Variants in CAB39 observed in about 807,000 individuals in gnomAD.
CAB39 encodes calcium binding protein 39.
Under a neutral mutation model 40.0 loss-of-function variants are expected in CAB39, and 8 were observed. That is an observed-to-expected ratio of 0.20 (90% CI 0.12 to 0.36). The LOEUF is 0.36. CAB39 is among the 10% of genes least tolerant of loss of function. The probability of loss-of-function intolerance (pLI) is 1.00; values close to 1 mark genes in which losing one functional copy is unlikely to be tolerated. For synonymous variants in CAB39, 156 were observed against 141.6 expected (o/e 1.10, Z -0.72); for missense variants, 270 against 401.1 (o/e 0.67, Z 2.79).
chr2:230,814,609 A>C (rs1024375064), intron 7 of CAB39, among the ~76,000 whole-genome samples: 28 of 152,222 alleles, frequency 1.8e-4, no homozygotes, highest in Admixed American at 1.2e-3. Flanking sequence ...GGCAAACTAC[A>C]ACCCATGGGC....
chr2:230,818,647 G>A lies in CAB39; in HGVS notation c.969G>A (p.Lys323=). 1.9e-6 allele frequency: 3 copies of A among 1,614,160 alleles called. No homozygotes were observed. Among genetic ancestry groups the A allele is most frequent in the South Asian group, 1.1e-5 (1 of 91,084 alleles). The change falls in exon 9 of 9, where the codon AAG becomes AAA. Residue 323 remains lysine (K), a synonymous_variant. Coordinates refer to ENST00000258418, the MANE Select transcript of CAB39 (RefSeq NM_016289.4). ...RTEDEQFNDE[K]TYLVKQIRDL... is the part of the protein sequence containing the mutation. ...AGGATGAGCAGTTTAACGACGAGAA[G>A]ACCTATTTAGTTAAACAGATCAGGG...
At chr2:230,731,096 A>G (rs1238579358) in intron 1 of CAB39, among the ~76,000 whole-genome samples, 1 of 152,246 alleles carries the variant, frequency 6.6e-6, no homozygotes, top group Non-Finnish European at 1.5e-5. Context: ...CTGATAAGAG[A>G]TGGTCTTAAT....
At chr2:230,752,029 A>AACC (rs1695094478) in intron 1 of CAB39, 1 of 30,744 alleles carries the variant, frequency 3.3e-5, no homozygotes, top group African/African-American at 1.0e-4. Context: ...TATTCTGACC[A>AACC]CCCCCCCCCC....
chr2:230,764,416 G>GT (rs1695346875), intron 2 of CAB39, among the ~76,000 whole-genome samples: 1 of 152,204 alleles, frequency 6.6e-6, no homozygotes, highest in Non-Finnish European at 1.5e-5. Flanking sequence ...TGGGTGTGTA[G>GT]TACATGCACT....
intron 1 of CAB39, among the ~76,000 whole-genome samples, chr2:230,719,808 G>T (rs1694414542): frequency 6.6e-6 from 1 of 152,154 alleles, no homozygotes; most frequent in African/African-American, 2.4e-5. Flanking sequence ...TCAGTGATTT[G>T]TATGTAGGCT....
intron 2 of CAB39, among the ~76,000 whole-genome samples, chr2:230,780,455 G>A (rs552926323): frequency 1.3e-5 from 2 of 152,222 alleles, no homozygotes; most frequent in South Asian, 4.1e-4. Flanking sequence ...AGGATCACAC[G>A]TTACATGTAA....
At chr2:230,719,528 T>C (rs957957774) in intron 1 of CAB39, among the ~76,000 whole-genome samples, 23 of 152,250 alleles carry the variant, frequency 1.5e-4, no homozygotes, top group African/African-American at 4.6e-4. Context: ...TTTCGTTGTA[T>C]AGTCATAATT....
chr2:230,810,758 C>G (rs896901587), intron 6 of CAB39, among the ~76,000 whole-genome samples: 8 of 152,336 alleles, frequency 5.3e-5, no homozygotes, highest in South Asian at 2.1e-4. Flanking sequence ...ACTGCTCACT[C>G]CTTTGTGGCC....
chr2:230,736,533 G>A (rs1056913220), intron 1 of CAB39, among the ~76,000 whole-genome samples: 3 of 152,152 alleles, frequency 2.0e-5, no homozygotes, highest in African/African-American at 4.8e-5. Context: ...TGAGTTTTGA[G>A]TAGCCAGAAC....
intron 3 of CAB39, among the ~76,000 whole-genome samples, chr2:230,791,263 A>G (rs1441142633): frequency 1.3e-5 from 2 of 152,160 alleles, no homozygotes; most frequent in African/African-American, 2.4e-5. Flanking sequence ...CACATTGGAC[A>G]TGGAGTTTCT....
intron 2 of CAB39, among the ~76,000 whole-genome samples, chr2:230,780,285 C>T (rs956279233): frequency 6.6e-6 from 1 of 152,214 alleles, no homozygotes; most frequent in African/African-American, 2.4e-5. Flanking sequence ...GAGTGCCTTT[C>T]ACCCAGCCTC....
intron 2 of CAB39, among the ~76,000 whole-genome samples, chr2:230,763,153 A>G (rs981348818): frequency 2.6e-5 from 4 of 152,228 alleles, no homozygotes; most frequent in Non-Finnish European, 4.4e-5. Context: ...ATATTGTCCA[A>G]AACAAAAAAT....
At chr2:230,716,718 C>G (rs1694356764) in intron 1 of CAB39, among the ~76,000 whole-genome samples, 1 of 152,316 alleles carries the variant, frequency 6.6e-6, no homozygotes, top group South Asian at 2.1e-4. Flanking sequence ...TTTAAAAGGT[C>G]AGGCCGAGCG....
intron 7 of CAB39, among the ~76,000 whole-genome samples, chr2:230,815,665 G>A (rs1696387228): frequency 6.6e-6 from 1 of 152,154 alleles, no homozygotes; most frequent in South Asian, 2.1e-4. Flanking sequence ...TGGGCTGTTT[G>A]GATAAGGAGA....
At chr2:230,727,387 T>TGTGA (rs1553666023) in intron 1 of CAB39, among the ~76,000 whole-genome samples, 1 of 149,300 alleles carries the variant, frequency 6.7e-6, no homozygotes, top group Non-Finnish European at 1.5e-5. Flanking sequence ...TGTGTGTGTG[T>TGTGA]GTGTGTGTGT....
intron 1 of CAB39, among the ~76,000 whole-genome samples, chr2:230,716,202 A>G (rs1694347144): frequency 6.6e-6 from 1 of 152,250 alleles, no homozygotes; most frequent in African/African-American, 2.4e-5. Flanking sequence ...AAGAACTGCT[A>G]AGAAAGTCCA....
At chr2:230,800,641 C>CAGGA (rs1696073981) in intron 5 of CAB39, among the ~76,000 whole-genome samples, 1 of 152,094 alleles carries the variant, frequency 6.6e-6, no homozygotes, top group Admixed American at 6.5e-5. Context: ...GAAGGACAGC[C>CAGGA]AGGAGCCTGA....
chr2:230,804,189 C>T (rs1696147528), intron 5 of CAB39, among the ~76,000 whole-genome samples: 1 of 152,168 alleles, frequency 6.6e-6, no homozygotes, highest in African/African-American at 2.4e-5. Flanking sequence ...GGAAAACTGG[C>T]TAGCCATGTG....
At chr2:230,740,485 A>G (rs888257231) in intron 1 of CAB39, among the ~76,000 whole-genome samples, 1 of 152,238 alleles carries the variant, frequency 6.6e-6, no homozygotes. Context: ...AAATGCAGTA[A>G]TACAGCAGAC....
Sources: gnomAD v4.1 joint callset for allele counts (sites outside exome capture counted in the v4.1 genomes callset) on GRCh38, gnomAD v4.1.1 for gene constraint, MANE v1.5 for transcripts, NCBI Gene and HGNC (gene_info 2026-07-23, HGNC 2026-07-21) for gene names.